The following PCDHGA12 variants were observed in gnomAD, a reference collection of about 807,000 sequenced individuals.
PCDHGA12 encodes protocadherin gamma-A12.
PCDHGA12 carries 43 observed loss-of-function variants against 61.1 expected under a neutral mutation model. That is an observed-to-expected ratio of 0.70 (90% CI 0.55 to 0.91). The LOEUF (loss-of-function observed/expected upper bound fraction) is 0.91, where lower values mean the gene tolerates loss of function less well. PCDHGA12 is among the 40% of genes least tolerant of loss of function. The pLI, the probability that PCDHGA12 is intolerant of heterozygous loss-of-function variation, is 0.00. For synonymous variants in PCDHGA12, 520 were observed against 542.9 expected, an observed-to-expected ratio of 0.96 and a Z score of 0.59; for missense variants, 1,236 against 1,227.7, an observed-to-expected ratio of 1.01 and a Z score of -0.10.
chr5:141,465,627 A>C lies in PCDHGA12; in HGVS notation c.2425-29180A>C, dbSNP rs370355596. 1.1e-4 allele frequency among the ~76,000 whole-genome samples: 17 copies of C among 152,326 alleles called. 1 individual carries two copies. The South Asian group carries it at 3.3e-3, about 30-fold the overall frequency. On this transcript the variant is annotated intron_variant, in intron 1 of 3. Coordinates refer to ENST00000252085, the MANE Select transcript of PCDHGA12 (RefSeq NM_003735.3). ...TCTTTGGCCCTCCAGGAAGTCAACCAGCAAAATGCTTTGAACATCCCAAAA... is the reference window on the plus strand; with the variant it reads ...TCTTTGGCCCTCCAGGAAGTCAACCCGCAAAATGCTTTGAACATCCCAAAA...
intron 2 of PCDHGA12, among the ~76,000 whole-genome samples, chr5:141,499,772 C>T (rs1217675128): frequency 1.0e-4 from 15 of 147,946 alleles, no homozygotes; most frequent in Admixed American, 9.0e-4. Context: ...CTGCAGCCTT[C>T]GCCTCCCGGG....
rs2099750571 is a variant in PCDHGA12, at chr5:141,493,878, T to A, written c.2425-929T>A. On this transcript the variant is annotated intron_variant, in intron 1 of 3. Coordinates refer to ENST00000252085, the MANE Select transcript of PCDHGA12 (RefSeq NM_003735.3). This position sits in a 1 kb window ranked among gnomAD's most constrained non-coding sequence, Gnocchi z 4.3. ...GCCCACCCCAGAACCAGTGAGGAGG[T>A]GGCTCTAGGAGTGCTCCATGAGAGT... is the stretch of plus-strand genomic sequence containing the variant. 6.6e-6 allele frequency among the ~76,000 whole-genome samples: 1 copy of A among 152,072 alleles called. No homozygotes were observed. The highest frequency in any genetic ancestry group is 6.6e-5 in the Admixed American group (1 of 15,264).
chr5:141,479,767 C>G (rs2099505975), intron 1 of PCDHGA12: 1 of 152,174 alleles, frequency 6.6e-6, no homozygotes, highest in African/African-American at 2.4e-5. Flanking sequence ...AAATTCATAT[C>G]CTTAGACAGG....
At position 141,476,030 on chromosome 5, in the gene PCDHGA12, G is replaced by A; in HGVS notation, c.2425-18777G>A. On this transcript the variant is annotated intron_variant, in intron 1 of 3. Coordinates refer to ENST00000252085, the MANE Select transcript of PCDHGA12 (RefSeq NM_003735.3). This position sits in a 1 kb window ranked among gnomAD's most constrained non-coding sequence, Gnocchi z 7.6. ...AAAGCCATGTCGGACTCGGCGCCCA[G>A]CGCCCAAGCGCTAACCCGCTGAAAG... 2.7e-6 allele frequency: 4 copies of A among 1,459,176 alleles called. No individual in the cohort carries two copies. The highest frequency in any genetic ancestry group is 3.6e-6 in the Non-Finnish European group (4 of 1,096,658). The allele number at this position is 1,459,176 out of a possible 1,614,324, so 90.4% of individuals were successfully genotyped here. A position where few individuals can be genotyped will look rare whatever the true frequency, so the allele number is the denominator to read the frequency against.
At chr5:141,438,249 A>G (rs1166079222) in intron 1 of PCDHGA12, among the ~76,000 whole-genome samples, 2 of 152,168 alleles carry the variant, frequency 1.3e-5, no homozygotes, top group Non-Finnish European at 2.9e-5. Context: ...AAAAACTGTC[A>G]TTGAAGAGAC....
intron 1 of PCDHGA12, among the ~76,000 whole-genome samples, chr5:141,439,391 G>A (rs880080): frequency 0.036 from 5,494 of 152,210 alleles, 123 homozygotes; most frequent in South Asian, 0.078. Context: ...TCATCACTTC[G>A]ACTTCATGTG....
rs748950800 is a variant in PCDHGA12, at chr5:141,476,983, C to T, written c.2425-17824C>T. ...ACTCCTTCGGCAGCCACAACCGCGC[C>T]GGCGTGCGGCAACTATTCGCCTTAG... On this transcript the variant is annotated intron_variant, in intron 1 of 3. Transcript: ENST00000252085. The surrounding 1 kb of genome is among the most constrained non-coding windows in gnomAD (Gnocchi z 7.6). 12 of 1,614,096 alleles carry T rather than the reference C, an allele frequency of 7.4e-6. No individual in the cohort carries two copies. The highest frequency in any genetic ancestry group is 8.5e-7 in the Non-Finnish European group (1 of 1,180,046).
Position 141,485,294 on chromosome 5 carries a change from G to A in PCDHGA12, c.2425-9513G>A, listed in dbSNP as rs2099611126. Reference sequence around the variant, plus strand: ...CTACCCGGTCCCAGAGGAGTCACAGGAAGGGACTTTTGTAGGGAATGTCGC... The same window carrying A: ...CTACCCGGTCCCAGAGGAGTCACAGAAAGGGACTTTTGTAGGGAATGTCGC... On this transcript the variant is annotated intron_variant, in intron 1 of 3. Coordinates refer to ENST00000252085, the MANE Select transcript of PCDHGA12 (RefSeq NM_003735.3). The surrounding 1 kb of genome is among the most constrained non-coding windows in gnomAD (Gnocchi z 5.7). The A allele has an allele frequency of 6.2e-7, 1 of 1,614,044 alleles. No homozygotes were observed. Among genetic ancestry groups the A allele is most frequent in the Non-Finnish European group, 8.5e-7 (1 of 1,179,988 alleles).
At position 141,431,258 on chromosome 5, in the gene PCDHGA12, C is replaced by G. The variant is rs754250241; in HGVS notation, c.499C>G (p.Leu167Val). 6.2e-6 allele frequency: 10 copies of G among 1,614,186 alleles called. No individual in the cohort carries two copies. The highest frequency in any genetic ancestry group is 1.6e-4 in the Middle Eastern group (1 of 6,062). ...GGATCCGGATATCGGGAAGAACTCT[C>G]TGCAGAGCTACGAGCTCAGCCCGAA... ...AWDPDIGKNS[L>V]QSYELSPNTH... The change falls in exon 1 of 4, where the codon CTG (leucine) becomes GTG (valine). Residue 167 changes from leucine (L) to valine (V), a missense_variant. Transcript: ENST00000252085. This position sits in a 1 kb window ranked among gnomAD's most constrained non-coding sequence, Gnocchi z 4.8.
At chr5:141,467,672 A>T (rs1410623274) in intron 1 of PCDHGA12, among the ~76,000 whole-genome samples, 2 of 151,636 alleles carry the variant, frequency 1.3e-5, no homozygotes, top group Non-Finnish European at 2.9e-5. Context: ...GAAGATTTTT[A>T]TTTTTTTTAG....
At chr5:141,475,903 G>A in intron 1 of PCDHGA12, 1 of 576,064 alleles carries the variant, frequency 1.7e-6, no homozygotes. Context: ...TGCCGCTGTC[G>A]GCCAATGAAG....
intron 1 of PCDHGA12, among the ~76,000 whole-genome samples, chr5:141,435,286 A>G (rs1179151461): frequency 6.6e-6 from 1 of 152,194 alleles, no homozygotes; most frequent in Non-Finnish European, 1.5e-5. Context: ...CAGTATCCCA[A>G]GTCATTTCAT....
intron 1 of PCDHGA12, among the ~76,000 whole-genome samples, chr5:141,480,895 A>G (rs1275670492): frequency 6.6e-6 from 1 of 152,048 alleles, no homozygotes; most frequent in African/African-American, 2.4e-5. Flanking sequence ...AAATGCAAAC[A>G]TTAGCTGGGC....
chr5:141,474,608 T>G (rs1469173973), intron 1 of PCDHGA12, among the ~76,000 whole-genome samples: 1 of 152,268 alleles, frequency 6.6e-6, no homozygotes, highest in Non-Finnish European at 1.5e-5. Flanking sequence ...AGGTCACATA[T>G]GGCTTTTCAT....
intron 1 of PCDHGA12, among the ~76,000 whole-genome samples, chr5:141,482,314 A>G (rs1279804501): frequency 6.6e-6 from 1 of 152,180 alleles, no homozygotes; most frequent in Admixed American, 6.5e-5. Flanking sequence ...TTCCTCATCT[A>G]TAAAATAAAG....
intron 1 of PCDHGA12, among the ~76,000 whole-genome samples, chr5:141,449,586 C>T (rs2098645911): frequency 1.6e-5 from 2 of 125,482 alleles, no homozygotes; most frequent in East Asian, 2.3e-4. Context: ...AAGACTCTGT[C>T]TCAAAAAAAA....
chr5:141,468,651 G>C (rs2099171216), intron 1 of PCDHGA12: 1 of 152,018 alleles, frequency 6.6e-6, no homozygotes, highest in African/African-American at 2.4e-5. Context: ...CGGATCACAA[G>C]GTCAGGAGAT....
At position 141,489,664 on chromosome 5, in the gene PCDHGA12, A is replaced by G. The variant is rs745597010; in HGVS notation, c.2425-5143A>G. On this transcript the variant is annotated intron_variant, in intron 1 of 3. Transcript: ENST00000252085. The surrounding 1 kb of genome is among the most constrained non-coding windows in gnomAD (Gnocchi z 4.5). ...TGCCACCCCTGAGCGAGAGATGCGCATCTCAGAATCAGCAGCATCTGGGGC... is the reference window on the plus strand; with the variant it reads ...TGCCACCCCTGAGCGAGAGATGCGCGTCTCAGAATCAGCAGCATCTGGGGC... 1 of 1,614,106 alleles carries G rather than the reference A, an allele frequency of 6.2e-7. No homozygotes were observed. The highest frequency in any genetic ancestry group is 8.5e-7 in the Non-Finnish European group (1 of 1,180,050).
intron 2 of PCDHGA12, among the ~76,000 whole-genome samples, chr5:141,501,324 CA>C (rs1311475307): frequency 7.2e-5 from 11 of 151,778 alleles, no homozygotes; most frequent in African/African-American, 1.9e-4. Flanking sequence ...CACACACACA[CA>C]CACACACACC....
Sources: gnomAD v4.1 joint callset for allele counts (sites outside exome capture counted in the v4.1 genomes callset) on GRCh38, gnomAD v4.1.1 for gene constraint, Gnocchi (gnomAD v3.1) non-coding constraint, MANE v1.5 for transcripts, NCBI Gene and HGNC (gene_info 2026-07-23, HGNC 2026-07-21) for gene names.